PPP2R2B: variants seen among roughly 807,000 people sequenced by gnomAD.
PPP2R2B encodes serine/threonine-protein phosphatase 2A 55 kDa regulatory subunit B beta isoform.
Under a neutral mutation model 46.0 loss-of-function variants are expected in PPP2R2B, and 5 were observed. That is an observed-to-expected ratio of 0.11 (90% CI 0.06 to 0.23). The LOEUF (loss-of-function observed/expected upper bound fraction) is 0.23, where lower values mean the gene tolerates loss of function less well. Ranked by LOEUF, PPP2R2B falls within the 10% of genes least tolerant of loss-of-function variation. PPP2R2B has a pLI of 1.00. For synonymous variants in PPP2R2B, 215 were observed against 206.7 expected (o/e 1.04, Z -0.34); for missense variants, 367 against 575.0 (o/e 0.64, Z 3.70).
intron 2 of PPP2R2B, among the ~76,000 whole-genome samples, chr5:146,740,809 T>A (rs1156332062): frequency 6.6e-6 from 1 of 152,070 alleles, no homozygotes; most frequent in Non-Finnish European, 1.5e-5. Context: ...CAAAAATTAG[T>A]GTTCTAAAAG....
intron 2 of PPP2R2B, among the ~76,000 whole-genome samples, chr5:146,720,296 C>G (rs1296032279): frequency 2.0e-5 from 3 of 152,216 alleles, no homozygotes; most frequent in Non-Finnish European, 4.4e-5. Context: ...CAAATCACAA[C>G]TAAGGGCTGG....
intron 1 of PPP2R2B, among the ~76,000 whole-genome samples, chr5:146,941,985 G>A (rs986756772): frequency 2.6e-5 from 4 of 152,068 alleles, no homozygotes; most frequent in African/African-American, 9.7e-5. Context: ...GCATTCTTTG[G>A]CTTGTAGATG....
intron 2 of PPP2R2B, among the ~76,000 whole-genome samples, chr5:146,773,536 A>AAAATAATG (rs1226540948): frequency 6.6e-6 from 1 of 152,236 alleles, no homozygotes; most frequent in African/African-American, 2.4e-5. Context: ...GCACATGCAC[A>AAAATAATG]AAATAATGAA....
intron 1 of PPP2R2B, among the ~76,000 whole-genome samples, chr5:147,002,137 T>C (rs1197961062): frequency 2.6e-5 from 4 of 152,104 alleles, no homozygotes; most frequent in Non-Finnish European, 5.9e-5. Context: ...CTCTGGTGCT[T>C]TTCTATTTTC....
At chr5:147,079,621 T>C (rs974160334) in intron 2 of PPP2R2B, among the ~76,000 whole-genome samples, 1 of 151,820 alleles carries the variant, frequency 6.6e-6, no homozygotes, top group African/African-American at 2.4e-5. Flanking sequence ...TTCTCAGTCA[T>C]ATCAGGAACC....
exon 1 of PPP2R2B, chr5:147,055,934 C>T: frequency 7.1e-7 from 1 of 1,414,566 alleles, no homozygotes; most frequent in South Asian, 1.6e-5. Context: ...GAAGCACTGC[C>T]TTACATTTCT....
chr5:147,071,192 G>A (rs1757584164), intron 2 of PPP2R2B, among the ~76,000 whole-genome samples: 1 of 152,162 alleles, frequency 6.6e-6, no homozygotes. Flanking sequence ...GACATTCCAA[G>A]GACAGCAAGG....
intron 5 of PPP2R2B, among the ~76,000 whole-genome samples, chr5:146,676,308 A>G (rs1452149990): frequency 6.6e-6 from 1 of 152,120 alleles, no homozygotes; most frequent in Non-Finnish European, 1.5e-5. Flanking sequence ...CTCATGGGGA[A>G]AAAAGCGAGT....
At chr5:146,948,875 A>G (rs943960995) in intron 1 of PPP2R2B, among the ~76,000 whole-genome samples, 3 of 152,098 alleles carry the variant, frequency 2.0e-5, no homozygotes, top group Middle Eastern at 3.2e-3. Context: ...ACATACCATG[A>G]GGGCATAGAG....
intron 5 of PPP2R2B, among the ~76,000 whole-genome samples, chr5:146,670,977 A>G (rs1018588889): frequency 6.6e-6 from 1 of 152,206 alleles, no homozygotes; most frequent in Non-Finnish European, 1.5e-5. Context: ...ATCTGAAAAG[A>G]CAGAGTGTAA....
intron 2 of PPP2R2B, among the ~76,000 whole-genome samples, chr5:146,736,367 C>T (rs1178282630): frequency 6.6e-6 from 1 of 152,100 alleles, no homozygotes; most frequent in East Asian, 1.9e-4. Context: ...TATGCCCTGC[C>T]ACATATTTTA....
chr5:146,670,726 C>A (rs1228446797), intron 5 of PPP2R2B, among the ~76,000 whole-genome samples: 3 of 151,994 alleles, frequency 2.0e-5, no homozygotes, highest in African/African-American at 7.2e-5. Context: ...GAACTCCTGA[C>A]TTCAAGCGAT....
At chr5:147,036,874 G>T (rs1756062970) in intron 1 of PPP2R2B, among the ~76,000 whole-genome samples, 1 of 152,194 alleles carries the variant, frequency 6.6e-6, no homozygotes, top group Non-Finnish European at 1.5e-5. Context: ...AGTGATGGTT[G>T]CAATGGAGAG....
chr5:147,077,266 ATG>A (rs1206265389), intron 2 of PPP2R2B, among the ~76,000 whole-genome samples: 7 of 121,574 alleles, frequency 5.8e-5, no homozygotes, highest in South Asian at 2.7e-4. Flanking sequence ...ACATATATGT[ATG>A]TGTGTATACA....
intron 2 of PPP2R2B, among the ~76,000 whole-genome samples, chr5:146,867,937 T>C (rs1761402968): frequency 6.6e-6 from 1 of 152,190 alleles, no homozygotes; most frequent in Non-Finnish European, 1.5e-5. Flanking sequence ...CTGAAAAAAT[T>C]ATGCTCCCTT....
intron 1 of PPP2R2B, among the ~76,000 whole-genome samples, chr5:146,962,729 A>G (rs1752228706): frequency 6.6e-6 from 1 of 152,190 alleles, no homozygotes; most frequent in Admixed American, 6.5e-5. Flanking sequence ...CCATTTCAGA[A>G]TTACAAGTAT....
Position 146,744,568 on chromosome 5 carries a change from G to T in PPP2R2B, c.71-43426C>A, listed in dbSNP as rs981348677. On this transcript the variant is annotated intron_variant, in intron 2 of 9. Transcript: ENST00000394411. ...AAATTCCACTCCTACCCTCACATGTGTCACCAGGGAACCATCCTGTGTGCT... is the reference window on the plus strand; with the variant it reads ...AAATTCCACTCCTACCCTCACATGTTTCACCAGGGAACCATCCTGTGTGCT... 3.4e-4 allele frequency among the ~76,000 whole-genome samples: 52 copies of T among 152,148 alleles called. 1 individual carries two copies. The highest frequency in any genetic ancestry group is 1.0e-4 in the Non-Finnish European group (7 of 68,036).
At chr5:146,991,762 A>G (rs966833305) in intron 1 of PPP2R2B, among the ~76,000 whole-genome samples, 2 of 152,102 alleles carry the variant, frequency 1.3e-5, no homozygotes, top group Non-Finnish European at 2.9e-5. Flanking sequence ...TCAAGAGAAC[A>G]ACCATATTTT....
At chr5:146,676,881 C>T (rs75236264) in intron 5 of PPP2R2B, among the ~76,000 whole-genome samples, 136 of 152,194 alleles carry the variant, frequency 8.9e-4, no homozygotes, top group African/African-American at 3.1e-3. Flanking sequence ...TTGGTTTGAC[C>T]GTCAAGTAGT....
Sources: allele counts gnomAD v4.1 joint callset (sites outside exome capture counted in the v4.1 genomes callset), GRCh38; gene constraint gnomAD v4.1.1; transcripts MANE v1.5; gene names NCBI Gene and HGNC (gene_info 2026-07-23, HGNC 2026-07-21).